The following UBE2H variants were observed in gnomAD, a reference collection of about 807,000 sequenced individuals.
The protein encoded by UBE2H is ubiquitin-conjugating enzyme E2 H.
In UBE2H, 3 loss-of-function variants were observed where a neutral mutation model predicts 29.0. That is an observed-to-expected ratio of 0.10 (90% CI 0.05 to 0.27). UBE2H has a LOEUF of 0.27. Among genes scored for constraint, UBE2H ranks in the 10% least tolerant of loss-of-function variants. The pLI is 1.00. For synonymous variants in UBE2H, 69 were observed against 82.9 expected, an observed-to-expected ratio of 0.83 and a Z score of 0.91; for missense variants, 68 against 228.2, an observed-to-expected ratio of 0.30 and a Z score of 4.52.
At chr7:129,902,790 T>C (rs541846505) in intron 1 of UBE2H, among the ~76,000 whole-genome samples, 7 of 152,176 alleles carry the variant, frequency 4.6e-5, no homozygotes, top group Non-Finnish European at 8.8e-5. Flanking sequence ...CCCCACCATT[T>C]ACAAAAGTGG....
In UBE2H at chr7:129,845,118, A is replaced by G. The variant is rs556913641; in HGVS notation, c.299-5783T>C. ...GCACTCCAGCCTGGGCAATGGAGTGAGACTCCCAAATCATAAACAACTTAT... is the reference window on the plus strand; with the variant it reads ...GCACTCCAGCCTGGGCAATGGAGTGGGACTCCCAAATCATAAACAACTTAT... On this transcript the variant is annotated intron_variant, in intron 5 of 6. Transcript: ENST00000355621. Among the ~76,000 whole-genome samples, 39 of 152,320 alleles carry G rather than the reference A, an allele frequency of 2.6e-4. No individual in the cohort carries two copies. In the South Asian group the frequency reaches 3.9e-3, roughly 15 times the overall value.
intron 3 of UBE2H, among the ~76,000 whole-genome samples, chr7:129,871,450 C>T (rs1806028062): frequency 2.6e-5 from 4 of 152,202 alleles, no homozygotes; most frequent in Admixed American, 2.0e-4. Context: ...CACGTTGGCT[C>T]ACGCCTGTAA....
At chr7:129,941,749 T>TTA (rs397812578) in intron 1 of UBE2H, among the ~76,000 whole-genome samples, 8 of 151,612 alleles carry the variant, frequency 5.3e-5, no homozygotes, top group Non-Finnish European at 1.2e-4. Context: ...AATTTTTTTT[T>TTA]AGCAACACAC....
At chr7:129,939,204 T>C (rs529586851) in intron 1 of UBE2H, among the ~76,000 whole-genome samples, 8 of 152,316 alleles carry the variant, frequency 5.3e-5, no homozygotes, top group Admixed American at 2.0e-4. Context: ...GGTCTCACTA[T>C]AGTGCTCAGG....
chr7:129,891,188 T>A lies in UBE2H; in HGVS notation c.54-10217A>T, dbSNP rs143183738. ...ATTAAATCTGAGCCTCTTTTTTAATTTTTTATTTTTTTTTGAGACGGAGTT... is the reference window on the plus strand; with the variant it reads ...ATTAAATCTGAGCCTCTTTTTTAATATTTTATTTTTTTTTGAGACGGAGTT... On this transcript the variant is annotated intron_variant, in intron 1 of 6. Coordinates refer to ENST00000355621, the MANE Select transcript of UBE2H (RefSeq NM_003344.4). Among the ~76,000 whole-genome samples the A allele has an allele frequency of 4.5e-3, 685 of 152,100 alleles. 6 individuals are homozygous for A. The highest frequency in any genetic ancestry group is 0.016 in the African/African-American group (651 of 41,486).
In UBE2H at chr7:129,931,928, G is replaced by C. The variant is rs909655175; in HGVS notation, c.53+20575C>G. Among the ~76,000 whole-genome samples, 10 of 147,352 alleles carry C rather than the reference G, an allele frequency of 6.8e-5. No individual in the cohort carries two copies. In the Admixed American group the frequency reaches 6.9e-4, roughly 10 times the overall value. On this transcript the variant is annotated intron_variant, in intron 1 of 6. Transcript: ENST00000355621. ...TCAGCTCCGCCTCCCAGGTTTAAGC[G>C]ATTCTACTCCTCAGCCTCCCCAGTA...
chr7:129,856,811 T>C (rs1463949207), intron 5 of UBE2H, among the ~76,000 whole-genome samples: 1 of 152,182 alleles, frequency 6.6e-6, no homozygotes, highest in African/African-American at 2.4e-5. Flanking sequence ...GGGATGACTG[T>C]GGGACTTGAG....
At chr7:129,858,007 A>G (rs1275956446) in intron 4 of UBE2H, among the ~76,000 whole-genome samples, 1 of 152,240 alleles carries the variant, frequency 6.6e-6, no homozygotes. Context: ...GAATTTTATA[A>G]AAGATAAAGG....
intron 6 of UBE2H, among the ~76,000 whole-genome samples, chr7:129,837,645 T>C (rs911590123): frequency 6.6e-6 from 1 of 151,620 alleles, no homozygotes; most frequent in African/African-American, 2.4e-5. Flanking sequence ...AGATCACAGA[T>C]TGGTGGTGGG....
chr7:129,908,934 A>G (rs1806874202), intron 1 of UBE2H, among the ~76,000 whole-genome samples: 1 of 152,228 alleles, frequency 6.6e-6, no homozygotes, highest in African/African-American at 2.4e-5. Context: ...GTTTTGTTTC[A>G]AAAGTTCTTA....
intron 5 of UBE2H, among the ~76,000 whole-genome samples, chr7:129,840,649 A>G (rs1444239187): frequency 6.6e-6 from 1 of 152,164 alleles, no homozygotes; most frequent in Non-Finnish European, 1.5e-5. Context: ...TCTGCTCCTC[A>G]GTGAACTGCA....
intron 1 of UBE2H, among the ~76,000 whole-genome samples, chr7:129,924,837 G>C (rs533105069): frequency 1.5e-4 from 23 of 152,004 alleles, no homozygotes; most frequent in African/African-American, 5.1e-4. Context: ...GGTCCTCCAG[G>C]CAGTCTCCTT....
intron 1 of UBE2H, among the ~76,000 whole-genome samples, chr7:129,945,904 C>T (rs1381467079): frequency 6.6e-6 from 1 of 152,298 alleles, no homozygotes; most frequent in East Asian, 1.9e-4. Context: ...CGCCACCACG[C>T]CCAGCTAATT....
intron 1 of UBE2H, among the ~76,000 whole-genome samples, chr7:129,931,911 G>A (rs983724158): frequency 1.6e-4 from 21 of 135,440 alleles, no homozygotes; most frequent in Middle Eastern, 4.4e-3. Context: ...TCTCAGCTCC[G>A]CCTCCCAGGT....
intron 1 of UBE2H, among the ~76,000 whole-genome samples, chr7:129,908,318 T>G (rs1236286002): frequency 2.0e-5 from 3 of 152,232 alleles, no homozygotes; most frequent in Non-Finnish European, 4.4e-5. Context: ...CTAGCTATTA[T>G]GTGGTTTGGG....
chr7:129,946,043 G>C (rs558141885), intron 1 of UBE2H, among the ~76,000 whole-genome samples: 34 of 141,206 alleles, frequency 2.4e-4, no homozygotes, highest in Non-Finnish European at 4.2e-4. Flanking sequence ...ACTGTGCCCA[G>C]CCTAGTCATT....
chr7:129,868,756 T>G (rs1805966996), intron 3 of UBE2H, among the ~76,000 whole-genome samples: 1 of 152,002 alleles, frequency 6.6e-6, no homozygotes, highest in African/African-American at 2.4e-5. Flanking sequence ...GTAAATGAAT[T>G]TAGACATTAC....
chr7:129,900,686 C>T (rs571026269), intron 1 of UBE2H, among the ~76,000 whole-genome samples: 53 of 151,420 alleles, frequency 3.5e-4, no homozygotes, highest in Non-Finnish European at 5.9e-4. Context: ...TAGTTACATA[C>T]GTATACATGT....
intron 5 of UBE2H, 32 bp downstream of exon 5, chr7:129,857,479 A>G (rs748250876): frequency 6.3e-7 from 1 of 1,598,086 alleles, no homozygotes; most frequent in Non-Finnish European, 8.5e-7. Context: ...ATGTCTCAAC[A>G]TCTCCAAAAA....
Sources: gnomAD v4.1 joint callset for allele counts (sites outside exome capture counted in the v4.1 genomes callset) on GRCh38, gnomAD v4.1.1 for gene constraint, MANE v1.5 for transcripts, NCBI Gene and HGNC (gene_info 2026-07-23, HGNC 2026-07-21) for gene names.